The following ULK4 variants were observed in gnomAD, a reference collection of about 807,000 sequenced individuals.
ULK4 encodes the protein unc-51 like kinase 4.
Under a neutral mutation model 160.6 loss-of-function variants are expected in ULK4, and 133 were observed. That is an observed-to-expected ratio of 0.83 (90% CI 0.72 to 0.96). The LOEUF is 0.96. Among genes scored for constraint, ULK4 ranks in the 40% least tolerant of loss-of-function variants. ULK4 has a pLI of 0.00. For synonymous variants in ULK4, 534 were observed against 539.8 expected (o/e 0.99, Z 0.15); for missense variants, 1,580 against 1,499.5 (o/e 1.05, Z -0.89).
At chr3:41,802,529 T>C (rs1414582967) in intron 19 of ULK4, among the ~76,000 whole-genome samples, 1 of 152,106 alleles carries the variant, frequency 6.6e-6, no homozygotes, top group Non-Finnish European at 1.5e-5. Context: ...GAACTCCTTG[T>C]CCCAAGGAAT....
chr3:41,614,962 G>A (rs918096623), intron 31 of ULK4, among the ~76,000 whole-genome samples: 1 of 152,120 alleles, frequency 6.6e-6, no homozygotes, highest in African/African-American at 2.4e-5. Flanking sequence ...CTTAGGAAAA[G>A]AGAATAACAT....
In ULK4 at chr3:41,929,688, C is replaced by A. The variant is rs139497703; in HGVS notation, c.541+2156G>T. Among the ~76,000 whole-genome samples, 88 of 152,210 alleles carry A rather than the reference C, an allele frequency of 5.8e-4. 1 individual carries two copies. In the East Asian group the frequency reaches 0.017, roughly 29 times the overall value. ...CGAAAATCACCAGCATTCCTATACACCAATAACAAACAAACAGAGAGCCAA... is the reference window on the plus strand; with the variant it reads ...CGAAAATCACCAGCATTCCTATACAACAATAACAAACAAACAGAGAGCCAA... On this transcript the variant is annotated intron_variant, in intron 5 of 36. Transcript: ENST00000301831.
chr3:41,316,850 G>A (rs371918807), intron 35 of ULK4, among the ~76,000 whole-genome samples: 9 of 152,162 alleles, frequency 5.9e-5, no homozygotes, highest in African/African-American at 2.2e-4. Context: ...TTGGCATCTA[G>A]AACAGTGTCT....
At chr3:41,933,666 C>T (rs986054150) in intron 4 of ULK4, among the ~76,000 whole-genome samples, 3 of 151,938 alleles carry the variant, frequency 2.0e-5, no homozygotes, top group African/African-American at 7.3e-5. Flanking sequence ...CTGGCCACTG[C>T]CTTGTACAGC....
At chr3:41,542,262 C>G (rs1343560695) in intron 32 of ULK4, among the ~76,000 whole-genome samples, 4 of 152,164 alleles carry the variant, frequency 2.6e-5, no homozygotes, top group Non-Finnish European at 4.4e-5. Context: ...TTTTCTGCAT[C>G]TATTGAGATA....
intron 34 of ULK4, among the ~76,000 whole-genome samples, chr3:41,434,396 A>G (rs1238419091): frequency 1.3e-5 from 2 of 152,218 alleles, no homozygotes; most frequent in African/African-American, 4.8e-5. Context: ...CATATATACT[A>G]TGATTTCATT....
chr3:41,734,756 A>G (rs1441517840), intron 22 of ULK4, among the ~76,000 whole-genome samples: 1 of 152,222 alleles, frequency 6.6e-6, no homozygotes, highest in African/African-American at 2.4e-5. Flanking sequence ...CCTTTTTCAC[A>G]TAGTCCCACT....
chr3:41,772,904 G>C (rs943412916), intron 21 of ULK4, among the ~76,000 whole-genome samples: 21 of 152,298 alleles, frequency 1.4e-4, no homozygotes, highest in East Asian at 7.7e-4. Flanking sequence ...TGGGATGCAA[G>C]GCTGGTTCAA....
chr3:41,425,223 TAAGACAGGCAG>T, intron 34 of ULK4, among the ~76,000 whole-genome samples: 1 of 151,828 alleles, frequency 6.6e-6, no homozygotes. Flanking sequence ...ATTGCTGAAA[TAAGACAGGCAG>T]ACAAGATTAG....
At position 41,262,257 on chromosome 3, in the gene ULK4, G is replaced by T. The variant is rs565545314; in HGVS notation, c.3679-12683C>A. ...GTGAGGAGGCTGACATTCTGCCATGGGGGGAGCTAGTCCCAGCTTCCAGGG... is the reference window on the plus strand; with the variant it reads ...GTGAGGAGGCTGACATTCTGCCATGTGGGGAGCTAGTCCCAGCTTCCAGGG... On this transcript the variant is annotated intron_variant, in intron 35 of 36. Coordinates refer to ENST00000301831, the MANE Select transcript of ULK4 (RefSeq NM_017886.4). Among the ~76,000 whole-genome samples, 178 of 152,292 alleles carry T rather than the reference G, an allele frequency of 1.2e-3. 2 individuals are homozygous for T. Among genetic ancestry groups the T allele is most frequent in the Non-Finnish European group, 1.8e-3 (122 of 68,018 alleles).
rs1267335192 is a variant in ULK4, at chr3:41,295,223, T to C, written c.3679-45649A>G. ...AACATAGTTTTTTCAAGAAATAGTG[T>C]TGGAACAACTGGATATCCACATGCA... On this transcript the variant is annotated intron_variant, in intron 35 of 36. Coordinates refer to ENST00000301831, the MANE Select transcript of ULK4 (RefSeq NM_017886.4). Among the ~76,000 whole-genome samples, 3 of 75,700 alleles carry C rather than the reference T, an allele frequency of 4.0e-5. 1 individual carries two copies. The highest frequency in any genetic ancestry group is 1.0e-4 in the Non-Finnish European group (3 of 29,696). The allele number at this position is 75,700 out of a possible 152,430, so 49.7% of individuals were successfully genotyped here.
At chr3:41,582,573 T>C (rs2030458535) in intron 31 of ULK4, among the ~76,000 whole-genome samples, 1 of 152,136 alleles carries the variant, frequency 6.6e-6, no homozygotes, top group African/African-American at 2.4e-5. Context: ...CTTCAACTCA[T>C]CTCTGAGGAG....
At chr3:41,409,625 A>G (rs2082370514) in intron 34 of ULK4, among the ~76,000 whole-genome samples, 1 of 152,196 alleles carries the variant, frequency 6.6e-6, no homozygotes, top group Non-Finnish European at 1.5e-5. Flanking sequence ...GAACAGGAAA[A>G]GATGCTAAAT....
chr3:41,670,943 CA>C (rs1281090220), intron 29 of ULK4, among the ~76,000 whole-genome samples: 1 of 151,916 alleles, frequency 6.6e-6, no homozygotes, highest in Non-Finnish European at 1.5e-5. Context: ...GTTTGTAACC[CA>C]AAGAGGGAGA....
chr3:41,477,913 T>C (rs2084194741), intron 32 of ULK4, among the ~76,000 whole-genome samples: 1 of 152,254 alleles, frequency 6.6e-6, no homozygotes, highest in Non-Finnish European at 1.5e-5. Flanking sequence ...TATGCTATTT[T>C]AGCCCTGTTA....
chr3:41,514,784 G>A (rs1182424773), intron 32 of ULK4, among the ~76,000 whole-genome samples: 2 of 152,014 alleles, frequency 1.3e-5, no homozygotes, highest in African/African-American at 4.8e-5. Context: ...AAGGGTGAGG[G>A]GTGGGAGGAA....
At chr3:41,835,578 G>T (rs926054316) in intron 18 of ULK4, among the ~76,000 whole-genome samples, 2 of 152,174 alleles carry the variant, frequency 1.3e-5, no homozygotes, top group Non-Finnish European at 2.9e-5. Flanking sequence ...AACCTTGGGA[G>T]TACCTTAGGG....
chr3:41,655,704 T>C (rs2034914416), intron 30 of ULK4, among the ~76,000 whole-genome samples: 1 of 152,124 alleles, frequency 6.6e-6, no homozygotes, highest in Admixed American at 6.5e-5. Flanking sequence ...AATGAATTTA[T>C]TACATAGCTA....
At position 41,378,104 on chromosome 3, in the gene ULK4, G is replaced by C. The variant is rs950712077; in HGVS notation, c.3678+19975C>G. ...ATGGATGAAATTGGAAATCATCATTGTCAGTAAACTATTGCAAGAACAAAA... is the reference window on the plus strand; with the variant it reads ...ATGGATGAAATTGGAAATCATCATTCTCAGTAAACTATTGCAAGAACAAAA... On this transcript the variant is annotated intron_variant, in intron 35 of 36. Transcript: ENST00000301831. 5.6e-3 allele frequency among the ~76,000 whole-genome samples: 848 copies of C among 150,916 alleles called. 9 individuals are homozygous for C. Among genetic ancestry groups the C allele is most frequent in the African/African-American group, 0.019 (774 of 41,060 alleles).
Sources: gnomAD v4.1 joint callset for allele counts (sites outside exome capture counted in the v4.1 genomes callset) on GRCh38, gnomAD v4.1.1 for gene constraint, MANE v1.5 for transcripts, NCBI Gene and HGNC (gene_info 2026-07-23, HGNC 2026-07-21) for gene names.